CEP131: variants seen among roughly 807,000 people sequenced by gnomAD.
The protein encoded by CEP131 is centrosomal protein 131, also known as centrosomal protein of 131 kDa.
A neutral mutation model predicts 136.8 loss-of-function variants in CEP131; 99 were observed. The observed-to-expected ratio is 0.72, with a 90% CI of 0.62 to 0.86. The LOEUF is 0.86. Among genes scored for constraint, CEP131 ranks in the 40% least tolerant of loss-of-function variants. The pLI is 0.00. For missense variants in CEP131, 1,459 were observed against 1,463.0 expected, an observed-to-expected ratio of 1.00 and a Z score of 0.04; for synonymous variants, 646 against 612.7, an observed-to-expected ratio of 1.05 and a Z score of -0.80.
chr17:81,193,000 G>C (rs2061677537), intron 18 of CEP131, among the ~76,000 whole-genome samples, 157 bp from the exon 19 acceptor site: 1 of 152,220 alleles, frequency 6.6e-6, no homozygotes, highest in Non-Finnish European at 1.5e-5. Flanking sequence ...GCCCCTCAAA[G>C]CCACCGCCCG....
chr17:81,191,466 AC>A, intron 21 of CEP131, 131 bp from the exon 22 acceptor site: 3 of 820,066 alleles, frequency 3.7e-6, no homozygotes, highest in Middle Eastern at 5.4e-4. Context: ...CCCTCTCCAG[AC>A]CCCTGTCCAG....
intron 2 of CEP131, among the ~76,000 whole-genome samples, chr17:81,213,976 G>T (rs2062189228): frequency 6.6e-6 from 1 of 152,166 alleles, no homozygotes; most frequent in African/African-American, 2.4e-5. Context: ...AAACTCGAAG[G>T]TCATCAAAAA....
At chr17:81,218,395 G>A (rs2062303667) in intron 2 of CEP131, among the ~76,000 whole-genome samples, 1 of 152,174 alleles carries the variant, frequency 6.6e-6, no homozygotes, top group Admixed American at 6.5e-5. Context: ...ATGAACCTAG[G>A]GCTTTAGAAA....
At chr17:81,192,915 CG>C (rs1425705017) in intron 18 of CEP131, 72 bp from the exon 19 acceptor site, 62 of 1,535,570 alleles carry the variant, frequency 4.0e-5, no homozygotes, top group East Asian at 1.7e-4. Flanking sequence ...CGCAGGGGCA[CG>C]GGCCGACCAC....
In CEP131 at chr17:81,200,048, C is replaced by T. The variant is rs1055272825; in HGVS notation, c.907-213G>A. Reference sequence around the variant, plus strand: ...CGTCGCAGGTGGCCAACAGTTCTGGCGTGGGGGAGACAGCTCTGCCCCCAC... The same window carrying T: ...CGTCGCAGGTGGCCAACAGTTCTGGTGTGGGGGAGACAGCTCTGCCCCCAC... On this transcript the variant is annotated intron_variant, in intron 8 of 25. Coordinates refer to ENST00000450824, the MANE Select transcript of CEP131 (RefSeq NM_014984.4). 15 of 616,228 alleles carry T rather than the reference C, an allele frequency of 2.4e-5. No individual in the cohort carries two copies. In the South Asian group the frequency reaches 2.7e-4, roughly 11 times the overall value. The allele number at this position is 616,228 out of a possible 1,614,324, so 38.2% of individuals were successfully genotyped here.
chr17:81,202,228 A>G lies in CEP131; in HGVS notation c.788+12T>C, dbSNP rs111309777. ...GGCTCAGGCCCCCCCCCACCGCCCC[A>G]AGATCGGTCACCTCTCAGCCTCCTC... On this transcript the variant is annotated intron_variant, in intron 7 of 25. Coordinates refer to ENST00000450824, the MANE Select transcript of CEP131 (RefSeq NM_014984.4). 2.5e-3 allele frequency: 2,831 copies of G among 1,110,612 alleles called. 56 individuals are homozygous for G. The African/African-American group carries it at 0.06, about 23-fold the overall frequency. The allele number at this position is 1,110,612 out of a possible 1,614,324, so 68.8% of individuals were successfully genotyped here.
At position 81,200,340 on chromosome 17, in the gene CEP131, C is replaced by A. The variant is rs1486789755; in HGVS notation, c.895G>T (p.Ala299Ser). The change falls in exon 8 of 26, where the codon GCC becomes TCC. Residue 299 changes from alanine (A) to serine (S), a missense_variant. Around this residue, in one of 3 missense-constraint regions of CEP131, gnomAD observed 246 missense variants for 318.9 expected, o/e 0.77. Transcript: ENST00000450824. Reference sequence around the variant, plus strand: ...ACGCCCACACTGACCTCCCGCTTGGCCTGAAGCAAGTGCTCCAGGCGGGCA... The same window carrying A: ...ACGCCCACACTGACCTCCCGCTTGGACTGAAGCAAGTGCTCCAGGCGGGCA... ...GAARLEHLLQ[A>S]KREEQRQRSG... 1.9e-6 allele frequency: 3 copies of A among 1,600,434 alleles called. No homozygotes were observed. The highest frequency in any genetic ancestry group is 2.6e-6 in the Non-Finnish European group (3 of 1,174,106).
intron 1 of CEP131, 49 bp downstream of exon 1, chr17:81,222,720 C>CGG: frequency 6.6e-6 from 1 of 152,350 alleles, no homozygotes; most frequent in Non-Finnish European, 1.5e-5. Context: ...CGGACCCCTC[C>CGG]AACCTCCGTG....
chr17:81,199,122 T>A (rs2061833624), intron 10 of CEP131, 151 bp from the exon 11 acceptor site: 2 of 824,056 alleles, frequency 2.4e-6, no homozygotes, highest in Non-Finnish European at 3.7e-6. Context: ...CTTCTGGGTG[T>A]GGAGCTGTGG....
chr17:81,194,074 T>G lies in CEP131; in HGVS notation c.2173A>C (p.Arg725=), dbSNP rs1407379755. 2 of 1,580,124 alleles carry G rather than the reference T, an allele frequency of 1.3e-6. No individual in the cohort carries two copies. The highest frequency in any genetic ancestry group is 1.7e-6 in the Non-Finnish European group (2 of 1,163,926). The change falls in exon 18 of 26, where the codon AGG becomes CGG. Residue 725 remains arginine (R), a synonymous_variant. Transcript: ENST00000450824. The stretch of plus-strand genomic sequence containing the variant: ...TCCGCCTCGTGCAGGCTCTTGAGCC[T>G]CCGCACTTCCTGCTTGTGCCTTGCA... ...LIARHKQEVR[R]LKSLHEAELL...
In CEP131 at chr17:81,198,208, C is replaced by T. The variant is rs773633071; in HGVS notation, c.1377G>A (p.Glu459=). Residue 459 remains glutamate (E), a synonymous_variant, in exon 12 of 26, where the codon GAG becomes GAA. Coordinates refer to ENST00000450824, the MANE Select transcript of CEP131 (RefSeq NM_014984.4). ...CCAGCAGCTGCAGTGTGTGCAGCAGCTCCTCCAGTGGCCCCCTGGACTTGG... is the reference window on the plus strand; with the variant it reads ...CCAGCAGCTGCAGTGTGTGCAGCAGTTCCTCCAGTGGCCCCCTGGACTTGG... ...GSAKSRGPLE[E]LLHTLQLLEK... 7 of 1,594,182 alleles carry T rather than the reference C, an allele frequency of 4.4e-6. No individual in the cohort carries two copies. Among genetic ancestry groups the T allele is most frequent in the Non-Finnish European group, 6.0e-6 (7 of 1,170,330 alleles).
chr17:81,206,849 G>A lies in CEP131; in HGVS notation c.410C>T (p.Thr137Ile). The A allele has an allele frequency of 6.2e-7, 1 of 1,613,882 alleles. No individual in the cohort carries two copies. The highest frequency in any genetic ancestry group is 8.5e-7 in the Non-Finnish European group (1 of 1,180,016). The change falls in exon 5 of 26, where the codon ACC becomes ATC. Residue 137 changes from threonine to isoleucine, a missense_variant. By Grantham distance (89) the Thr-to-Ile change is moderately conservative. Coordinates refer to ENST00000450824, the MANE Select transcript of CEP131 (RefSeq NM_014984.4). ...NVLDDQPRGF[T>I]LPSNARSSSA... ...GGAACTCCGGGCATTGGATGGCAAG[G>A]TGAAGCCCCGGGGCTGGTCATCCTG...
intron 2 of CEP131, among the ~76,000 whole-genome samples, chr17:81,212,259 T>C (rs550167944): frequency 1.3e-5 from 2 of 149,772 alleles, no homozygotes; most frequent in South Asian, 2.1e-4. Flanking sequence ...GAGGCGGAGG[T>C]TGCAGTGAGC....
In CEP131 at chr17:81,193,961, C is replaced by T. The variant is rs773754403; in HGVS notation, c.2286G>A (p.Ala762=). ...LREQLEREKE[A]LGQQERERAR... is the part of the protein sequence containing the mutation. Reference sequence around the variant, plus strand: ...CACGTTCGCGCTCCTGCTGGCCCAGCGCCTCCTTCTCCCGCTCCAGCTGCT... The same window carrying T: ...CACGTTCGCGCTCCTGCTGGCCCAGTGCCTCCTTCTCCCGCTCCAGCTGCT... The change falls in exon 18 of 26, where the codon GCG becomes GCA. Residue 762 remains alanine (A), a synonymous_variant. Coordinates refer to ENST00000450824, the MANE Select transcript of CEP131 (RefSeq NM_014984.4). The T allele has an allele frequency of 3.2e-5, 49 of 1,541,836 alleles. No individual in the cohort carries two copies. The highest frequency in any genetic ancestry group is 1.7e-4 in the East Asian group (7 of 41,464).
chr17:81,199,342 C>G (rs1311658016), intron 10 of CEP131, 39 bp downstream of exon 10: 2 of 1,551,154 alleles, frequency 1.3e-6, no homozygotes, highest in Non-Finnish European at 1.7e-6. Flanking sequence ...TGGCTGCAGT[C>G]CACCCCCCAG....
In CEP131 at chr17:81,202,310, C is replaced by A. The variant is rs148701919; in HGVS notation, c.718G>T (p.Ala240Ser). Residue 240 changes from alanine (A) to serine (S), a missense_variant, in exon 7 of 26, where the codon GCC becomes TCC. This residue lies in a region of CEP131 where 246 missense variants were observed against 318.9 expected (regional missense o/e 0.77). Coordinates refer to ENST00000450824, the MANE Select transcript of CEP131 (RefSeq NM_014984.4). ...GTGCTGCCCCCAGTATTGTTCCGGG[C>A]TGAGTGGGTGGCACTGGAGACATTC... is the stretch of plus-strand genomic sequence containing the variant. ...PKNVSSATHSARNNTGGSTGL... is the reference protein window; with the variant it reads ...PKNVSSATHSSRNNTGGSTGL... 1.2e-6 allele frequency: 2 copies of A among 1,613,628 alleles called. No homozygotes were observed. The highest frequency in any genetic ancestry group is 2.2e-5 in the South Asian group (2 of 91,064).
chr17:81,199,037 A>AC, intron 10 of CEP131, 66 bp from the exon 11 acceptor site: 2 of 1,401,462 alleles, frequency 1.4e-6, no homozygotes, highest in Non-Finnish European at 1.9e-6. Flanking sequence ...CTCTGGAGGC[A>AC]CCCCCGGGAA....
In CEP131 at chr17:81,201,902, A is replaced by C. The variant is rs1012938639; in HGVS notation, c.788+338T>G. ...GGATCACGAGGTCAGGAGATCGAGA[A>C]CATCCTGGCTAACACGGTGAAACCC... On this transcript the variant is annotated intron_variant, in intron 7 of 25. Transcript: ENST00000450824. 4.6e-5 allele frequency among the ~76,000 whole-genome samples: 7 copies of C among 151,968 alleles called. No homozygotes were observed. In the South Asian group the frequency reaches 8.3e-4, roughly 18 times the overall value.
rs750732895 is a variant in CEP131 at position 81,191,258 on chromosome 17, G to A, written c.2700C>T (p.Val900=). 3.7e-6 allele frequency: 6 copies of A among 1,613,498 alleles called. No individual in the cohort carries two copies. The South Asian group carries it at 5.5e-5, about 15-fold the overall frequency. The change falls in exon 22 of 26, where the codon GTC becomes GTT. Residue 900 remains valine (V), a synonymous_variant. Transcript: ENST00000450824. Reference sequence around the variant, plus strand: ...CCATGTCGGCCTCCAGCCGGTGAATGACCAGCTCAATCTCCTTGTCCCGGC... The same window carrying A: ...CCATGTCGGCCTCCAGCCGGTGAATAACCAGCTCAATCTCCTTGTCCCGGC... The part of the protein sequence containing the change: ...RKGRDKEIEL[V]IHRLEADMAL...
Sources: gnomAD v4.1 joint callset for allele counts (sites outside exome capture counted in the v4.1 genomes callset) on GRCh38, gnomAD v4.1.1 for gene constraint, gnomAD v4.1.1 regional missense constraint, MANE v1.5 for transcripts, NCBI Gene and HGNC (gene_info 2026-07-23, HGNC 2026-07-21) for gene names.